FAM13A: variants seen among roughly 807,000 people sequenced by gnomAD.
FAM13A encodes the protein protein FAM13A.
In FAM13A, 76 loss-of-function variants were observed where a neutral mutation model predicts 129.6. That is an observed-to-expected ratio of 0.59 (90% confidence interval 0.49 to 0.71). FAM13A has a LOEUF of 0.71. Ranked by LOEUF, FAM13A falls within the 30% of genes least tolerant of loss-of-function variation. FAM13A has a pLI of 0.00. For synonymous variants in FAM13A, 443 were observed against 449.9 expected (o/e 0.98, Z 0.20); for missense variants, 1,108 against 1,249.3 (o/e 0.89, Z 1.70).
At chr4:89,037,537 G>A (rs923856113) in intron 1 of FAM13A, among the ~76,000 whole-genome samples, 3 of 152,180 alleles carry the variant, frequency 2.0e-5, no homozygotes, top group African/African-American at 4.8e-5. Flanking sequence ...ACTTTGGACT[G>A]GACTTTTGAG....
chr4:89,038,882 A>C (rs562625813), intron 1 of FAM13A, among the ~76,000 whole-genome samples: 1 of 152,336 alleles, frequency 6.6e-6, no homozygotes, highest in African/African-American at 2.4e-5. Flanking sequence ...AGTGTCAAAA[A>C]GATTACCTCA....
chr4:88,812,812 T>C (rs1194997134), intron 7 of FAM13A, among the ~76,000 whole-genome samples: 3 of 152,220 alleles, frequency 2.0e-5, no homozygotes, highest in African/African-American at 4.8e-5. Context: ...TAAATGGCTC[T>C]TGAATAAAAT....
At chr4:88,886,497 A>T (rs958350977) in intron 6 of FAM13A, among the ~76,000 whole-genome samples, 4 of 152,068 alleles carry the variant, frequency 2.6e-5, no homozygotes, top group Non-Finnish European at 5.9e-5. Context: ...CTGAGGCAGG[A>T]GAATTGCTTG....
rs1579557799 is a variant in FAM13A, at chr4:88,970,823, G to C, written c.605+20150C>G. ...ATGAACCAAAAAATAAACCCAAAGA[G>C]AGGGATAATAAAAATGAGATGAAAT... On this transcript the variant is annotated intron_variant, in intron 4 of 23. Coordinates refer to ENST00000264344, the MANE Select transcript of FAM13A (RefSeq NM_014883.4). Among the ~76,000 whole-genome samples, 3 of 152,080 alleles carry C rather than the reference G, an allele frequency of 2.0e-5. No individual in the cohort carries two copies. In the East Asian group the frequency reaches 5.8e-4, roughly 29 times the overall value.
chr4:88,937,927 A>G (rs1579372625), intron 5 of FAM13A, 161 bp downstream of exon 5: 1 of 582,790 alleles, frequency 1.7e-6, no homozygotes, highest in East Asian at 2.9e-5. Flanking sequence ...ATTTCAATTT[A>G]ATAAGCATTT....
intron 4 of FAM13A, among the ~76,000 whole-genome samples, chr4:88,955,980 G>T (rs576647602): frequency 9.2e-5 from 14 of 151,382 alleles, no homozygotes; most frequent in African/African-American, 3.4e-4. Context: ...TAATCCCCAA[G>T]GAAAAAAAAA....
At chr4:88,829,994 C>A (rs1282025886) in intron 7 of FAM13A, among the ~76,000 whole-genome samples, 1 of 152,056 alleles carries the variant, frequency 6.6e-6, no homozygotes, top group Non-Finnish European at 1.5e-5. Flanking sequence ...TTTCTTCTCA[C>A]CTGAGGTTTA....
At chr4:88,886,657 A>C (rs1051469905) in intron 6 of FAM13A, among the ~76,000 whole-genome samples, 6 of 152,080 alleles carry the variant, frequency 3.9e-5, no homozygotes, top group Non-Finnish European at 8.8e-5. Flanking sequence ...CTATAATCCC[A>C]GCACTTTGGG....
intron 4 of FAM13A, among the ~76,000 whole-genome samples, chr4:88,987,494 T>C (rs1336014337): frequency 6.6e-6 from 1 of 152,130 alleles, no homozygotes; most frequent in Non-Finnish European, 1.5e-5. Flanking sequence ...CAACTTAACA[T>C]TACATGGCTT....
At chr4:89,021,306 G>T (rs998643362) in intron 2 of FAM13A, among the ~76,000 whole-genome samples, 16 of 152,160 alleles carry the variant, frequency 1.1e-4, no homozygotes, top group Admixed American at 8.5e-4. Flanking sequence ...GAGCTGTTAC[G>T]CTGTGAAACC....
intron 3 of FAM13A, among the ~76,000 whole-genome samples, chr4:89,016,361 T>C (rs974334505): frequency 3.9e-5 from 6 of 152,174 alleles, no homozygotes; most frequent in Admixed American, 3.9e-4. Flanking sequence ...GTTAAAAAGT[T>C]ATAAAGTAAA....
At chr4:88,891,507 T>C (rs546513265) in intron 6 of FAM13A, among the ~76,000 whole-genome samples, 3 of 152,260 alleles carry the variant, frequency 2.0e-5, no homozygotes, top group South Asian at 2.1e-4. Flanking sequence ...ACTAAAAGCA[T>C]GTAGAACAAA....
intron 6 of FAM13A, among the ~76,000 whole-genome samples, chr4:88,852,294 T>C (rs974587474): frequency 6.6e-6 from 1 of 151,920 alleles, no homozygotes; most frequent in Admixed American, 6.6e-5. Context: ...CCTGAGTAGG[T>C]GGGATTACAG....
intron 4 of FAM13A, among the ~76,000 whole-genome samples, chr4:88,988,032 T>C (rs1397045862): frequency 6.6e-6 from 1 of 152,130 alleles, no homozygotes; most frequent in African/African-American, 2.4e-5. Flanking sequence ...GAAAAACAGC[T>C]AATGTATACT....
intron 7 of FAM13A, among the ~76,000 whole-genome samples, chr4:88,843,332 G>T (rs934697783): frequency 6.6e-6 from 1 of 152,194 alleles, no homozygotes; most frequent in Non-Finnish European, 1.5e-5. Flanking sequence ...CCCGCAGTCG[G>T]CTATGATATT....
chr4:88,972,371 G>T (rs1383600657), intron 4 of FAM13A, among the ~76,000 whole-genome samples: 1 of 147,476 alleles, frequency 6.8e-6, no homozygotes, highest in African/African-American at 2.5e-5. Flanking sequence ...GTGCGATCTC[G>T]CCTCACTGCA....
At chr4:89,033,136 A>ACTCTCTCTCT in intron 1 of FAM13A, among the ~76,000 whole-genome samples, 1 of 149,972 alleles carries the variant, frequency 6.7e-6, no homozygotes, top group African/African-American at 2.4e-5. Context: ...ACACACACAC[A>ACTCTCTCTCT]CTCTCTCTCT....
At chr4:88,982,621 A>G (rs1761780235) in intron 4 of FAM13A, among the ~76,000 whole-genome samples, 1 of 152,216 alleles carries the variant, frequency 6.6e-6, no homozygotes, top group African/African-American at 2.4e-5. Context: ...CAAACCACTG[A>G]AAATCCAATA....
At position 88,780,423 on chromosome 4, in the gene FAM13A, T is replaced by A. The variant is rs536398187; in HGVS notation, c.1458+742A>T. Among the ~76,000 whole-genome samples the A allele has an allele frequency of 6.6e-5, 10 of 152,296 alleles. No individual in the cohort carries two copies. The South Asian group carries it at 2.1e-3, about 32-fold the overall frequency. ...ATTAGGGATTCCAGTTCACGCCATG[T>A]TATAAAATTTATCTTCAGGTTTTTG... is the stretch of plus-strand genomic sequence containing the variant. On this transcript the variant is annotated intron_variant, in intron 11 of 23. Coordinates refer to ENST00000264344, the MANE Select transcript of FAM13A (RefSeq NM_014883.4).
Sources: allele counts gnomAD v4.1 joint callset (sites outside exome capture counted in the v4.1 genomes callset), GRCh38; gene constraint gnomAD v4.1.1; transcripts MANE v1.5; gene names NCBI Gene and HGNC (gene_info 2026-07-23, HGNC 2026-07-21).